AGBL3: variants seen among roughly 807,000 people sequenced by gnomAD.
The protein encoded by AGBL3 is AGBL carboxypeptidase 3.
AGBL3 carries 68 observed loss-of-function variants against 94.5 expected under a neutral mutation model. That is an observed-to-expected ratio of 0.72 (90% CI 0.59 to 0.88). AGBL3 has a LOEUF of 0.88. Among genes scored for constraint, AGBL3 ranks in the 40% least tolerant of loss-of-function variants. AGBL3 has a pLI of 0.00. For missense variants in AGBL3, 934 were observed against 1,103.8 expected (o/e 0.85, Z 2.18); for synonymous variants, 354 against 370.7 (o/e 0.95, Z 0.52).
At chr7:135,061,457 G>T (rs923535921) in intron 12 of AGBL3, among the ~76,000 whole-genome samples, 28 of 151,984 alleles carry the variant, frequency 1.8e-4, no homozygotes, top group African/African-American at 6.8e-4. Context: ...CCAAAAAAAT[G>T]ATTGCCCAGA....
intron 12 of AGBL3, among the ~76,000 whole-genome samples, chr7:135,065,422 T>G (rs1006724501): frequency 2.6e-5 from 4 of 152,164 alleles, no homozygotes; most frequent in African/African-American, 9.7e-5. Flanking sequence ...TTCCTGATTT[T>G]AAAATATGTT....
rs766492817 is a variant in AGBL3, at chr7:135,045,578, A to T, written c.1728+4A>T. 6.5e-7 allele frequency: 1 copy of T among 1,548,946 alleles called. No homozygotes were observed. Among genetic ancestry groups the T allele is most frequent in the Non-Finnish European group, 8.7e-7 (1 of 1,144,682 alleles). On this transcript the variant is annotated splice_donor_region_variant and intron_variant, in intron 10 of 16. Transcript: ENST00000436302. ...TTGTGATCCCGACCGGACCAAGGTAAGCAAAGTCCATTTGGTAATGCATCA... is the reference window on the plus strand; with the variant it reads ...TTGTGATCCCGACCGGACCAAGGTATGCAAAGTCCATTTGGTAATGCATCA...
intron 14 of AGBL3, 37 bp downstream of exon 14, chr7:135,080,297 T>C: frequency 6.6e-7 from 1 of 1,518,878 alleles, no homozygotes; most frequent in Non-Finnish European, 8.9e-7. Flanking sequence ...AAACAATTAA[T>C]TCATTTACTC....
At chr7:135,082,375 C>T (rs1379997685) in intron 15 of AGBL3, among the ~76,000 whole-genome samples, 2 of 152,004 alleles carry the variant, frequency 1.3e-5, no homozygotes, top group African/African-American at 2.4e-5. Context: ...TGAAATTTTC[C>T]GTTTCTTTCA....
intron 16 of AGBL3, among the ~76,000 whole-genome samples, chr7:135,122,824 CAAAT>C (rs761255590): frequency 6.6e-6 from 1 of 152,112 alleles, no homozygotes; most frequent in African/African-American, 2.4e-5. Context: ...GAAAGAAAAA[CAAAT>C]AGAAAGCAAC....
At chr7:135,049,780 TTTTA>T (rs570012280) in intron 11 of AGBL3, among the ~76,000 whole-genome samples, 50 of 151,960 alleles carry the variant, frequency 3.3e-4, no homozygotes, top group African/African-American at 1.1e-3. Flanking sequence ...TCATTTTTTA[TTTTA>T]TTTGAGTCTT....
chr7:135,054,607 G>A (rs1020277808), intron 11 of AGBL3, among the ~76,000 whole-genome samples: 1 of 152,130 alleles, frequency 6.6e-6, no homozygotes, highest in Non-Finnish European at 1.5e-5. Context: ...ATCAGATATT[G>A]TGGTAAATAT....
At chr7:135,117,064 T>C (rs1826423038) in intron 16 of AGBL3, among the ~76,000 whole-genome samples, 1 of 152,242 alleles carries the variant, frequency 6.6e-6, no homozygotes, top group South Asian at 2.1e-4. Context: ...GTTCATTTTA[T>C]ATGTAATGTC....
At chr7:135,088,109 T>C (rs890773259) in intron 15 of AGBL3, among the ~76,000 whole-genome samples, 1 of 152,108 alleles carries the variant, frequency 6.6e-6, no homozygotes, top group African/African-American at 2.4e-5. Flanking sequence ...TTAAAGTCTG[T>C]TTTATCTGAT....
intron 5 of AGBL3, among the ~76,000 whole-genome samples, chr7:135,020,757 T>A (rs569828196): frequency 1.3e-5 from 2 of 151,938 alleles, no homozygotes; most frequent in South Asian, 4.2e-4. Flanking sequence ...ATGTCCCTTG[T>A]AGGGACATGG....
At chr7:134,987,682 GGTT>G (rs761337582) in intron 1 of AGBL3, among the ~76,000 whole-genome samples, 190 bp from the exon 2 acceptor site, 20 of 152,106 alleles carry the variant, frequency 1.3e-4, no homozygotes, top group East Asian at 5.8e-4. Flanking sequence ...GTCTTATTGT[GGTT>G]GTTGTCTCGT....
At chr7:135,076,368 A>AT in intron 12 of AGBL3, 29 bp from the exon 13 acceptor site, 2 of 1,432,558 alleles carry the variant, frequency 1.4e-6, no homozygotes, top group Non-Finnish European at 1.9e-6. Flanking sequence ...TTGATTAAAT[A>AT]TTGATTTTAA....
intron 15 of AGBL3, among the ~76,000 whole-genome samples, chr7:135,109,472 C>A (rs1273201209): frequency 6.6e-6 from 1 of 151,948 alleles, no homozygotes; most frequent in Non-Finnish European, 1.5e-5. Context: ...GCCCACATAA[C>A]AAACAGTCTG....
chr7:134,997,529 T>C (rs897806314), intron 4 of AGBL3, among the ~76,000 whole-genome samples: 3 of 152,222 alleles, frequency 2.0e-5, no homozygotes, highest in African/African-American at 7.2e-5. Flanking sequence ...AGGTTGGTTA[T>C]ATTTACATTC....
At chr7:135,026,621 A>G (rs893103908) in intron 5 of AGBL3, among the ~76,000 whole-genome samples, 1 of 151,522 alleles carries the variant, frequency 6.6e-6, no homozygotes, top group African/African-American at 2.4e-5. Flanking sequence ...CTGGCATTAC[A>G]TCATGTCTTT....
At chr7:135,113,523 CT>C (rs1347586743) in intron 15 of AGBL3, among the ~76,000 whole-genome samples, 2 of 152,116 alleles carry the variant, frequency 1.3e-5, no homozygotes, top group Non-Finnish European at 2.9e-5. Flanking sequence ...ATGTATTCTA[CT>C]TTCTCTTATG....
chr7:135,038,854 G>T (rs1422954642), intron 8 of AGBL3, among the ~76,000 whole-genome samples: 2 of 152,202 alleles, frequency 1.3e-5, no homozygotes, highest in East Asian at 3.9e-4. Context: ...AGCTACTCAG[G>T]AGGCTGAGGC....
intron 15 of AGBL3, chr7:135,100,194 A>G (rs13237009): frequency 5.0e-5 from 7 of 138,692 alleles, no homozygotes; most frequent in African/African-American, 1.8e-4. Context: ...GTTTCTCTTT[A>G]AAAAAAAAAA....
chr7:135,054,995 C>G (rs1818210323), intron 11 of AGBL3, among the ~76,000 whole-genome samples: 1 of 152,156 alleles, frequency 6.6e-6, no homozygotes, highest in East Asian at 1.9e-4. Flanking sequence ...GATGCTACAT[C>G]ATAACATGGC....
Sources: gnomAD v4.1 joint callset for allele counts (sites outside exome capture counted in the v4.1 genomes callset) on GRCh38, gnomAD v4.1.1 for gene constraint, MANE v1.5 for transcripts, NCBI Gene and HGNC (gene_info 2026-07-23, HGNC 2026-07-21) for gene names.